NTM: variants seen among roughly 807,000 people sequenced by gnomAD.
NTM encodes neurotrimin, also known as IgLON family member 2.
Under a neutral mutation model 42.1 loss-of-function variants are expected in NTM, and 13 were observed. That is an observed-to-expected ratio of 0.31 (90% CI 0.20 to 0.49). The LOEUF is 0.49. Among genes scored for constraint, NTM ranks in the 20% least tolerant of loss-of-function variants. The pLI is 0.99. For missense variants in NTM, 373 were observed against 452.8 expected (o/e 0.82, Z 1.60); for synonymous variants, 187 against 179.2 (o/e 1.04, Z -0.35).
At chr11:131,521,368 A>C (rs1275801122) in intron 1 of NTM, among the ~76,000 whole-genome samples, 1 of 142,802 alleles carries the variant, frequency 7.0e-6, no homozygotes, top group African/African-American at 2.6e-5. Flanking sequence ...AATGCAGAAG[A>C]AGCAAGGTGC....
intron 4 of NTM, among the ~76,000 whole-genome samples, chr11:132,247,174 C>T (rs962377504): frequency 8.5e-5 from 13 of 152,182 alleles, no homozygotes; most frequent in African/African-American, 1.2e-4. Context: ...CATCATTGAT[C>T]GCCCTGTGGT....
chr11:131,916,674 C>T (rs1255517157), intron 2 of NTM, among the ~76,000 whole-genome samples: 1 of 152,176 alleles, frequency 6.6e-6, no homozygotes, highest in Non-Finnish European at 1.5e-5. Context: ...GATGGATTCT[C>T]TGGTAGTCCC....
At chr11:131,525,496 G>C (rs1229469107) in intron 1 of NTM, among the ~76,000 whole-genome samples, 1 of 152,204 alleles carries the variant, frequency 6.6e-6, no homozygotes, top group Non-Finnish European at 1.5e-5. Context: ...ATTTAGCACA[G>C]TCGGGGTGGG....
At chr11:131,595,663 C>A (rs2059754238) in intron 1 of NTM, among the ~76,000 whole-genome samples, 1 of 152,198 alleles carries the variant, frequency 6.6e-6, no homozygotes. Flanking sequence ...TCTTCACAAA[C>A]CTCTGGGATG....
At chr11:131,866,637 T>A (rs922165311) in intron 1 of NTM, among the ~76,000 whole-genome samples, 1 of 152,256 alleles carries the variant, frequency 6.6e-6, no homozygotes, top group African/African-American at 2.4e-5. Flanking sequence ...CCAAGACTGC[T>A]GACAAAGGAA....
intron 2 of NTM, among the ~76,000 whole-genome samples, chr11:132,017,593 A>G (rs1241226896): frequency 6.6e-6 from 1 of 152,046 alleles, no homozygotes. Context: ...TGGATAGTGT[A>G]AGTCCTACAA....
At chr11:132,332,297 C>G (rs1267451906) in intron 8 of NTM, 2 of 152,596 alleles carry the variant, frequency 1.3e-5, no homozygotes, top group African/African-American at 4.8e-5. Flanking sequence ...GCTGAAGAGA[C>G]AGGTTCCGGG....
chr11:131,532,502 A>G (rs1177355102), intron 1 of NTM, among the ~76,000 whole-genome samples: 2 of 152,214 alleles, frequency 1.3e-5, no homozygotes, highest in Non-Finnish European at 2.9e-5. Flanking sequence ...CTTTGGGGCT[A>G]CTGTGAATAA....
chr11:132,113,689 A>G (rs1007835143), intron 2 of NTM, among the ~76,000 whole-genome samples: 2 of 152,180 alleles, frequency 1.3e-5, no homozygotes, highest in Non-Finnish European at 2.9e-5. Context: ...AATGAAGCCA[A>G]TTGGATCTGG....
intron 1 of NTM, among the ~76,000 whole-genome samples, chr11:131,853,354 A>G (rs2045780227): frequency 6.6e-6 from 1 of 152,168 alleles, no homozygotes; most frequent in African/African-American, 2.4e-5. Context: ...GTATTAACCC[A>G]AGAATCCATT....
At chr11:131,994,052 G>A (rs556750099) in intron 2 of NTM, among the ~76,000 whole-genome samples, 2 of 149,354 alleles carry the variant, frequency 1.3e-5, no homozygotes, top group African/African-American at 4.9e-5. Flanking sequence ...GACATAAACA[G>A]CAGCATAATA....
Position 131,440,484 on chromosome 11 carries a change from G to A in NTM, c.82+69596G>A, listed in dbSNP as rs149609180. ...TGACTCTACCATGCTTTATTACCAA[G>A]TGGTTCTCAAACTTAGACATGCATC... On this transcript the variant is annotated intron_variant, in intron 1 of 8. Coordinates refer to ENST00000683400, the MANE Select transcript of NTM (RefSeq NM_001352005.2). Among the ~76,000 whole-genome samples the A allele has an allele frequency of 2.9e-3, 446 of 152,148 alleles. 3 individuals are homozygous for A. Among genetic ancestry groups the A allele is most frequent in the African/African-American group, 0.01 (431 of 41,500 alleles).
chr11:132,283,001 T>TTTTTTTTTTA (rs770202639), intron 4 of NTM, among the ~76,000 whole-genome samples: 1 of 103,536 alleles, frequency 9.7e-6, no homozygotes, highest in Non-Finnish European at 2.0e-5. Flanking sequence ...TTTTTTTTTT[T>TTTTTTTTTTA]ATTTGAGACA....
intron 1 of NTM, among the ~76,000 whole-genome samples, chr11:131,841,796 A>T (rs2044288217): frequency 6.6e-6 from 1 of 152,226 alleles, no homozygotes; most frequent in Admixed American, 6.5e-5. Context: ...TGGGAAGTAG[A>T]GGAGGGATGG....
chr11:131,792,661 A>G (rs2091093466), intron 1 of NTM, among the ~76,000 whole-genome samples: 1 of 152,140 alleles, frequency 6.6e-6, no homozygotes, highest in South Asian at 2.1e-4. Context: ...TTAGACGGTG[A>G]TGCTGAGATG....
chr11:131,898,136 G>A (rs1291490866), intron 1 of NTM, among the ~76,000 whole-genome samples: 1 of 152,190 alleles, frequency 6.6e-6, no homozygotes, highest in Non-Finnish European at 1.5e-5. Flanking sequence ...TCTCTCCTAA[G>A]AGCAGAATGA....
chr11:131,668,735 A>G (rs1170892731), intron 1 of NTM, among the ~76,000 whole-genome samples: 1 of 152,232 alleles, frequency 6.6e-6, no homozygotes, highest in African/African-American at 2.4e-5. Flanking sequence ...GCAGGAAGTG[A>G]CAAGGCAGTG....
intron 2 of NTM, among the ~76,000 whole-genome samples, chr11:132,145,997 C>T (rs2070325576): frequency 6.6e-6 from 1 of 152,250 alleles, no homozygotes; most frequent in South Asian, 2.1e-4. Context: ...TCGAAGTATC[C>T]AGCCATCCTG....
At chr11:131,790,093 A>G (rs2090715102) in intron 1 of NTM, among the ~76,000 whole-genome samples, 1 of 152,108 alleles carries the variant, frequency 6.6e-6, no homozygotes, top group Non-Finnish European at 1.5e-5. Context: ...ATTATATTTC[A>G]AAGTACAGAT....
Sources: gnomAD v4.1 joint callset for allele counts (sites outside exome capture counted in the v4.1 genomes callset) on GRCh38, gnomAD v4.1.1 for gene constraint, MANE v1.5 for transcripts, NCBI Gene and HGNC (gene_info 2026-07-23, HGNC 2026-07-21) for gene names.